RFX8: variants seen among roughly 807,000 people sequenced by gnomAD.
RFX8 encodes the protein DNA-binding protein RFX8.
Under a neutral mutation model 54.6 loss-of-function variants are expected in RFX8, and 46 were observed. The observed-to-expected ratio is 0.84, with a 90% CI of 0.67 to 1.08. The LOEUF is 1.08. Among genes scored for constraint, RFX8 ranks in the 50% least tolerant of loss-of-function variants. RFX8 has a pLI of 0.00. For missense variants in RFX8, 536 were observed against 562.3 expected, an observed-to-expected ratio of 0.95 and a Z score of 0.47; for synonymous variants, 192 against 209.5, an observed-to-expected ratio of 0.92 and a Z score of 0.72.
At chr2:101,438,974 G>C (rs1443255758) in intron 2 of RFX8, among the ~76,000 whole-genome samples, 2 of 152,044 alleles carry the variant, frequency 1.3e-5, no homozygotes, top group African/African-American at 4.8e-5. Context: ...ACCATGCCAG[G>C]CTAATTTTTT....
intron 8 of RFX8, among the ~76,000 whole-genome samples, chr2:101,410,922 A>G (rs1686088167): frequency 1.3e-5 from 2 of 152,162 alleles, no homozygotes; most frequent in East Asian, 3.9e-4. Context: ...ACATGGACAT[A>G]CCTGTTGTGA....
intron 2 of RFX8, among the ~76,000 whole-genome samples, chr2:101,425,991 T>A (rs1687149827): frequency 6.6e-6 from 1 of 152,112 alleles, no homozygotes; most frequent in African/African-American, 2.4e-5. Flanking sequence ...GTAGAGTGAC[T>A]ATAGTTCACA....
intron 2 of RFX8, among the ~76,000 whole-genome samples, chr2:101,461,762 C>T (rs971061469): frequency 2.0e-5 from 3 of 152,070 alleles, no homozygotes; most frequent in Admixed American, 6.6e-5. Flanking sequence ...ATAGAGAGAA[C>T]TGAAACAAAT....
intron 4 of RFX8, 100 bp downstream of exon 4, chr2:101,421,624 T>G (rs2104582971): frequency 2.0e-5 from 30 of 1,481,072 alleles, no homozygotes; most frequent in Non-Finnish European, 2.7e-5. Flanking sequence ...ATTGGACATC[T>G]GTTGACGGGG....
chr2:101,465,707 T>G (rs913648066), intron 2 of RFX8, among the ~76,000 whole-genome samples: 47 of 152,230 alleles, frequency 3.1e-4, no homozygotes, highest in African/African-American at 1.1e-3. Context: ...AGGCTTACCT[T>G]AATTTCAACT....
At chr2:101,420,588 T>A (rs1399487004) in intron 4 of RFX8, among the ~76,000 whole-genome samples, 8 of 151,866 alleles carry the variant, frequency 5.3e-5, no homozygotes. Flanking sequence ...AAAAAAGAAA[T>A]AATAAAATAT....
At position 101,406,022 on chromosome 2, in the gene RFX8, G is replaced by A. The variant is rs777170498; in HGVS notation, c.849C>T (p.Ala283=). 2.7e-5 allele frequency: 42 copies of A among 1,547,570 alleles called. No homozygotes were observed. Among genetic ancestry groups the A allele is most frequent in the South Asian group, 1.7e-4 (14 of 82,976 alleles). The part of the protein sequence containing the change: ...SRSKEEFTKL[A]ASFQLRWNLL... ...GATTCCATCTCAGCTGGAAGCTGGC[G>A]GCCAATTTGGTAAACTCTTCTTTGC... Residue 283 remains alanine (A), a synonymous_variant, in exon 10 of 12, where the codon GCC becomes GCT. Coordinates refer to ENST00000428343, the MANE Select transcript of RFX8 (RefSeq NM_001145664.2).
chr2:101,471,754 C>T (rs1336432970), intron 1 of RFX8, among the ~76,000 whole-genome samples: 1 of 152,244 alleles, frequency 6.6e-6, no homozygotes, highest in Non-Finnish European at 1.5e-5. Flanking sequence ...TGAGACTTGG[C>T]CAAGCTCTCT....
At chr2:101,430,092 C>T (rs1277042409) in intron 2 of RFX8, among the ~76,000 whole-genome samples, 3 of 152,162 alleles carry the variant, frequency 2.0e-5, no homozygotes, top group Non-Finnish European at 4.4e-5. Context: ...GGTCTGGACA[C>T]GAACCCACTA....
chr2:101,416,311 G>T (rs1053344011), intron 6 of RFX8, among the ~76,000 whole-genome samples: 2 of 152,098 alleles, frequency 1.3e-5, no homozygotes, highest in African/African-American at 2.4e-5. Context: ...CTGGAGGGAG[G>T]CTCTGCTCCC....
At chr2:101,404,359 C>A (rs1293267460) in intron 10 of RFX8, among the ~76,000 whole-genome samples, 1 of 152,218 alleles carries the variant, frequency 6.6e-6, no homozygotes, top group African/African-American at 2.4e-5. Context: ...GTTCAAACTA[C>A]TGGTGTGAAT....
At chr2:101,435,345 C>T (rs1171297941) in intron 2 of RFX8, among the ~76,000 whole-genome samples, 7 of 152,204 alleles carry the variant, frequency 4.6e-5, no homozygotes, top group African/African-American at 1.7e-4. Flanking sequence ...GAGGGCGAGG[C>T]TTAGTTTCCA....
At chr2:101,464,176 A>G (rs1689440401) in intron 2 of RFX8, among the ~76,000 whole-genome samples, 1 of 152,190 alleles carries the variant, frequency 6.6e-6, no homozygotes, top group African/African-American at 2.4e-5. Context: ...TGAACTACAC[A>G]CACGGGCCTA....
intron 2 of RFX8, among the ~76,000 whole-genome samples, chr2:101,430,743 G>C (rs1354373329): frequency 6.6e-6 from 1 of 152,158 alleles, no homozygotes; most frequent in Non-Finnish European, 1.5e-5. Context: ...CAATTATGCA[G>C]TTTCTTCAGG....
Position 101,406,007 on chromosome 2 carries a change from C to T in RFX8, c.864G>A (p.Leu288=), listed in dbSNP as rs1219710516. ...CAGCAGTGAGAAGAAGATTCCATCTCAGCTGGAAGCTGGCGGCCAATTTGG... is the reference window on the plus strand; with the variant it reads ...CAGCAGTGAGAAGAAGATTCCATCTTAGCTGGAAGCTGGCGGCCAATTTGG... ...EFTKLAASFQ[L]RWNLLLTAVS... is the part of the protein sequence containing the mutation. The change falls in exon 10 of 12, where the codon CTG becomes CTA. Residue 288 remains leucine, a synonymous_variant. Coordinates refer to ENST00000428343, the MANE Select transcript of RFX8 (RefSeq NM_001145664.2). 1.3e-6 allele frequency: 2 copies of T among 1,549,310 alleles called. No homozygotes were observed. The highest frequency in any genetic ancestry group is 1.7e-4 in the Middle Eastern group (1 of 5,986).
chr2:101,467,847 G>A (rs931683978), intron 1 of RFX8, among the ~76,000 whole-genome samples: 6 of 151,786 alleles, frequency 4.0e-5, no homozygotes, highest in Non-Finnish European at 5.9e-5. Flanking sequence ...TTCCTTTCCC[G>A]GTGGGACAGA....
intron 2 of RFX8, among the ~76,000 whole-genome samples, chr2:101,432,990 A>G (rs1363474846): frequency 1.3e-5 from 2 of 151,826 alleles, no homozygotes; most frequent in African/African-American, 2.4e-5. Context: ...ACCCTTACCT[A>G]GGATGTTAGG....
At chr2:101,473,978 A>C (rs1475908323) in intron 1 of RFX8, among the ~76,000 whole-genome samples, 1 of 152,182 alleles carries the variant, frequency 6.6e-6, no homozygotes, top group East Asian at 1.9e-4. Flanking sequence ...ACAGATGGGA[A>C]GCCCGGCCCC....
chr2:101,436,749 G>A (rs746335170), intron 2 of RFX8, among the ~76,000 whole-genome samples: 8 of 152,198 alleles, frequency 5.3e-5, no homozygotes, highest in Non-Finnish European at 1.0e-4. Context: ...AGCACACACA[G>A]CTGCACACCA....
Sources: allele counts gnomAD v4.1 joint callset (sites outside exome capture counted in the v4.1 genomes callset), GRCh38; gene constraint gnomAD v4.1.1; transcripts MANE v1.5; gene names NCBI Gene and HGNC (gene_info 2026-07-23, HGNC 2026-07-21).